LANCL3: variants seen among roughly 807,000 people sequenced by gnomAD.
LANCL3 encodes the protein LanC like family member 3.
A neutral mutation model predicts 26.5 loss-of-function variants in LANCL3; 19 were observed. The ratio of observed to expected loss-of-function variants is 0.72; its 90% confidence interval spans 0.50 to 1.05. The LOEUF is 1.05. LANCL3 is among the 50% of genes least tolerant of loss of function. The pLI is 0.00. For synonymous variants in LANCL3, 160 were observed against 166.6 expected (o/e 0.96, Z 0.30); for missense variants, 318 against 362.7 (o/e 0.88, Z 1.00).
chrX:37,666,977 C>T (rs1468469986), intron 3 of LANCL3, among the ~76,000 whole-genome samples: 1 of 111,785 alleles, frequency 8.9e-6, no homozygotes, highest in Admixed American at 9.5e-5. Context: ...AATCTATGTA[C>T]GTCAATAAAA....
chrX:37,601,924 A>T (rs188379988), intron 1 of LANCL3, among the ~76,000 whole-genome samples: 1 of 112,142 alleles, frequency 8.9e-6, no homozygotes, highest in East Asian at 2.8e-4. Flanking sequence ...TTAGCAAGAA[A>T]GAAGGGAGAG....
chrX:37,572,001 C>A lies in LANCL3; in HGVS notation c.131C>A (p.Pro44Gln), dbSNP rs1487020854. 6 of 1,188,863 alleles carry A rather than the reference C, an allele frequency of 5.0e-6. No homozygotes were observed. The highest frequency in any genetic ancestry group is 5.7e-6 in the Non-Finnish European group (5 of 884,025). ...GAGCGCATCCTCCAGGAGCTTCCCC[C>A]ACTCGGGGGCGGCGCGGAGGCCCGA... Reference protein sequence around the residue: ...TIERILQELPPLGGGAEARGA... With the variant: ...TIERILQELPQLGGGAEARGA... The change falls in exon 1 of 5, where the codon CCA (proline) becomes CAA (glutamine). Residue 44 changes from proline to glutamine, a missense_variant. Pro to Gln is a moderately conservative substitution (Grantham distance 76). Coordinates refer to ENST00000378619, the MANE Select transcript of LANCL3 (RefSeq NM_001170331.2).
At chrX:37,585,222 G>A (rs1924029506) in intron 1 of LANCL3, among the ~76,000 whole-genome samples, 1 of 111,468 alleles carries the variant, frequency 9.0e-6, no homozygotes, top group Non-Finnish European at 1.9e-5. Flanking sequence ...CCAACTATGT[G>A]GTCAATTTTG....
intron 1 of LANCL3, among the ~76,000 whole-genome samples, chrX:37,635,109 A>G (rs1925669537): frequency 9.0e-6 from 1 of 111,660 alleles, no homozygotes; most frequent in African/African-American, 3.3e-5. Flanking sequence ...CACTGGAACA[A>G]TTCTGATCTG....
chrX:37,661,683 G>A (rs1194708663), intron 3 of LANCL3, among the ~76,000 whole-genome samples: 2 of 111,253 alleles, frequency 1.8e-5, no homozygotes, highest in African/African-American at 6.5e-5. Flanking sequence ...TGCAGGAAAC[G>A]AACTATAAAA....
intron 1 of LANCL3, among the ~76,000 whole-genome samples, chrX:37,608,431 C>T (rs1294214657): frequency 9.0e-6 from 1 of 111,314 alleles, no homozygotes; most frequent in Non-Finnish European, 1.9e-5. Flanking sequence ...GATGGTGTGG[C>T]TCCAGTGATC....
chrX:37,662,815 C>CT (rs57561710), intron 3 of LANCL3, among the ~76,000 whole-genome samples: 1,083 of 99,337 alleles, frequency 0.011, 3 homozygotes, highest in African/African-American at 0.026. Flanking sequence ...CCCACCATTC[C>CT]TTTTTTTTTT....
chrX:37,572,914 C>T (rs1295342527), intron 1 of LANCL3, among the ~76,000 whole-genome samples: 1 of 112,208 alleles, frequency 8.9e-6, no homozygotes, highest in East Asian at 2.8e-4. Context: ...AATAACTGCT[C>T]AGCTGTGGGT....
At chrX:37,610,686 G>A (rs782819927) in intron 1 of LANCL3, among the ~76,000 whole-genome samples, 1 of 111,644 alleles carries the variant, frequency 9.0e-6, no homozygotes, top group African/African-American at 3.3e-5. Context: ...AGGTCACAGA[G>A]CTGAGAAGGA....
intron 1 of LANCL3, among the ~76,000 whole-genome samples, chrX:37,653,506 A>T (rs900620377): frequency 8.9e-6 from 1 of 112,433 alleles, no homozygotes; most frequent in East Asian, 2.8e-4. Context: ...TTCCCAGAAG[A>T]CTATGGGATT....
chrX:37,630,935 G>A (rs1223212048), intron 1 of LANCL3, among the ~76,000 whole-genome samples: 3 of 111,255 alleles, frequency 2.7e-5, no homozygotes, highest in Admixed American at 1.9e-4. Context: ...GTCTCTGCCC[G>A]GCTTTGGTAT....
chrX:37,611,596 G>C (rs782384990), intron 1 of LANCL3, among the ~76,000 whole-genome samples: 34 of 111,888 alleles, frequency 3.0e-4, no homozygotes, highest in Non-Finnish European at 1.7e-4. Context: ...GAAAGGAAAG[G>C]ACTGATATAG....
chrX:37,645,635 C>A (rs1381769439), intron 1 of LANCL3, among the ~76,000 whole-genome samples: 2 of 112,210 alleles, frequency 1.8e-5, no homozygotes, highest in Admixed American at 9.4e-5. Flanking sequence ...TGCTTCCTCT[C>A]GCTGCCTTGA....
intron 1 of LANCL3, among the ~76,000 whole-genome samples, chrX:37,640,086 A>G (rs962309288): frequency 3.6e-5 from 4 of 112,451 alleles, no homozygotes; most frequent in African/African-American, 1.3e-4. Context: ...ACAGTGGCAG[A>G]ATAAGACACA....
At chrX:37,578,639 ATT>A (rs1257552824) in intron 1 of LANCL3, among the ~76,000 whole-genome samples, 1 of 112,049 alleles carries the variant, frequency 8.9e-6, no homozygotes, top group African/African-American at 3.2e-5. Context: ...CTTAAAAATT[ATT>A]TCTCTCATCA....
chrX:37,639,297 A>G (rs1556425686), intron 1 of LANCL3, among the ~76,000 whole-genome samples: 1 of 103,388 alleles, frequency 9.7e-6, no homozygotes, highest in Non-Finnish European at 2.0e-5. Flanking sequence ...GTGTATATGT[A>G]TATTATATAT....
intron 1 of LANCL3, among the ~76,000 whole-genome samples, chrX:37,600,274 A>G (rs1363230835): frequency 8.9e-6 from 1 of 112,007 alleles, no homozygotes; most frequent in Non-Finnish European, 1.9e-5. Context: ...ATACTATGAC[A>G]AATTTATAAA....
intron 1 of LANCL3, among the ~76,000 whole-genome samples, chrX:37,625,130 G>A (rs1368266153): frequency 9.0e-6 from 1 of 111,712 alleles, no homozygotes; most frequent in Non-Finnish European, 1.9e-5. Flanking sequence ...TGACACTCCT[G>A]GGTGGTTACA....
At chrX:37,610,639 G>T (rs1924841556) in intron 1 of LANCL3, among the ~76,000 whole-genome samples, 1 of 111,398 alleles carries the variant, frequency 9.0e-6, no homozygotes, top group African/African-American at 3.3e-5. Flanking sequence ...CCCCATCTTT[G>T]TTCCTGAGGC....
Sources: gnomAD v4.1 joint callset for allele counts (sites outside exome capture counted in the v4.1 genomes callset) on GRCh38, gnomAD v4.1.1 for gene constraint, MANE v1.5 for transcripts, NCBI Gene and HGNC (gene_info 2026-07-23, HGNC 2026-07-21) for gene names.